The following LARP4B variants were observed in gnomAD, a reference collection of about 807,000 sequenced individuals.
The protein encoded by LARP4B is La ribonucleoprotein 4B, also known as la-related protein 4B.
LARP4B carries 12 observed loss-of-function variants against 89.8 expected under a neutral mutation model. That is an observed-to-expected ratio of 0.13 (90% confidence interval 0.09 to 0.22). The LOEUF is 0.22. Ranked by LOEUF, LARP4B falls within the 10% of genes least tolerant of loss-of-function variation. The pLI is 1.00. For missense variants in LARP4B, 757 were observed against 947.7 expected, an observed-to-expected ratio of 0.80 and a Z score of 2.64; for synonymous variants, 367 against 363.3, an observed-to-expected ratio of 1.01 and a Z score of -0.12.
intron 13 of LARP4B, among the ~76,000 whole-genome samples, chr10:823,551 C>T (rs1018214346): frequency 2.0e-5 from 3 of 151,494 alleles, no homozygotes; most frequent in Admixed American, 6.6e-5. Flanking sequence ...TTGTGACGCT[C>T]GTATGAACAA....
At chr10:950,177 C>T in the LARP4B span, among the ~76,000 whole-genome samples, 1 of 152,140 alleles carries the variant, frequency 6.6e-6, no homozygotes, top group East Asian at 1.9e-4. Context: ...AATATTTTCT[C>T]TCAGTTTGTA....
intron 3 of LARP4B, among the ~76,000 whole-genome samples, chr10:869,806 C>G (rs908075265): frequency 6.6e-6 from 1 of 151,652 alleles, no homozygotes; most frequent in Admixed American, 6.6e-5. Context: ...ATTACTTGAA[C>G]CCGGCAATCA....
At chr10:843,321 A>T (rs1226787727) in intron 6 of LARP4B, among the ~76,000 whole-genome samples, 1 of 152,234 alleles carries the variant, frequency 6.6e-6, no homozygotes, top group Non-Finnish European at 1.5e-5. Flanking sequence ...TTATGAGAAG[A>T]TGGTTATTTT....
At chr10:831,314 A>C (rs1832893817) in intron 8 of LARP4B, among the ~76,000 whole-genome samples, 2 of 151,944 alleles carry the variant, frequency 1.3e-5, no homozygotes, top group South Asian at 4.1e-4. Flanking sequence ...AATTTAAGAA[A>C]AAAAATTTGC....
At chr10:840,977 C>A (rs983532531) in intron 7 of LARP4B, among the ~76,000 whole-genome samples, 1 of 152,082 alleles carries the variant, frequency 6.6e-6, no homozygotes, top group Non-Finnish European at 1.5e-5. Flanking sequence ...TGTGGTAAAA[C>A]CTCGTCTCTA....
chr10:901,860 G>A lies in LARP4B; in HGVS notation c.-39-16100C>T, dbSNP rs74118473. ...TGAGTTTTATTTATAGTTTGAGTTG[G>A]TTCTCCTCCTAAGGAGGACATAATC... On this transcript the variant is annotated intron_variant, in intron 1 of 17. Transcript: ENST00000316157. Among the ~76,000 whole-genome samples the A allele has an allele frequency of 3.1e-3, 469 of 152,192 alleles. 5 individuals are homozygous for A. The highest frequency in any genetic ancestry group is 0.011 in the African/African-American group (456 of 41,522).
At chr10:856,462 A>G (rs917465493) in intron 5 of LARP4B, among the ~76,000 whole-genome samples, 1 of 152,246 alleles carries the variant, frequency 6.6e-6, no homozygotes, top group African/African-American at 2.4e-5. Flanking sequence ...GTAAAGTCAC[A>G]AGGCAAACAA....
rs574432936 is a variant in LARP4B, at chr10:921,987, A to T, written c.-40+9441T>A. Among the ~76,000 whole-genome samples the T allele has an allele frequency of 3.9e-5, 6 of 152,268 alleles. No homozygotes were observed. In the East Asian group the frequency reaches 1.2e-3, roughly 29 times the overall value. On this transcript the variant is annotated intron_variant, in intron 1 of 17. Transcript: ENST00000316157. ...TCAGTTACTCATTTTCACAATGGTCAGTACTCCAAGTCAGCGGTAACCAAT... is the reference window on the plus strand; with the variant it reads ...TCAGTTACTCATTTTCACAATGGTCTGTACTCCAAGTCAGCGGTAACCAAT...
chr10:845,042 A>G lies in LARP4B; in HGVS notation c.444T>C (p.Ser148=), dbSNP rs748530817. ...PENSETGGNE[S]QPDSQEDPRE... ...GGGGGTCTTCCTGGCTGTCTGGTTGAGACTCATTTCCTCCTACATAAAAGT... is the reference window on the plus strand; with the variant it reads ...GGGGGTCTTCCTGGCTGTCTGGTTGGGACTCATTTCCTCCTACATAAAAGT... Residue 148 remains serine (S), a synonymous_variant, in exon 6 of 18, where the codon TCT becomes TCC. Transcript: ENST00000316157. The G allele has an allele frequency of 6.2e-7, 1 of 1,608,136 alleles. No homozygotes were observed. Among genetic ancestry groups the G allele is most frequent in the Non-Finnish European group, 8.5e-7 (1 of 1,178,638 alleles).
At chr10:831,276 CTT>C (rs76857973) in intron 8 of LARP4B, among the ~76,000 whole-genome samples, 269 of 121,882 alleles carry the variant, frequency 2.2e-3, no homozygotes, top group Admixed American at 4.8e-3. Flanking sequence ...AACTGCACAA[CTT>C]TTTTTTTTTT....
At chr10:904,558 C>G (rs1836436649) in intron 1 of LARP4B, among the ~76,000 whole-genome samples, 1 of 149,558 alleles carries the variant, frequency 6.7e-6, no homozygotes, top group Admixed American at 6.7e-5. Context: ...AAGACTGTCT[C>G]AAAATAAAAA....
At chr10:931,192 C>CT (rs1645940184) in intron 1 of LARP4B, among the ~76,000 whole-genome samples, 1 of 148,570 alleles carries the variant, frequency 6.7e-6, no homozygotes, top group African/African-American at 2.5e-5. Flanking sequence ...TCAGCCCCGG[C>CT]TTTTTCCTGG....
At position 812,603 on chromosome 10, in the gene LARP4B, A is replaced by G. The variant is rs1479036665; in HGVS notation, c.*323T>C. 4.9e-6 allele frequency: 1 copy of G among 202,726 alleles called. No homozygotes were observed. Among genetic ancestry groups the G allele is most frequent in the Non-Finnish European group, 9.8e-6 (1 of 102,158 alleles). 12.6% of individuals were successfully genotyped at this position (202,726 alleles called of 1,614,324 possible). ...GAAAAACTCACTATATATAGCTTGC[A>G]TTCAGAGCCACATGGAGGCTTAATA... On this transcript the variant is annotated 3_prime_UTR_variant, in exon 18 of 18. Coordinates refer to ENST00000316157, the MANE Select transcript of LARP4B (RefSeq NM_015155.3).
intron 2 of LARP4B, among the ~76,000 whole-genome samples, chr10:884,783 C>T (rs1835800706): frequency 6.6e-6 from 1 of 152,134 alleles, no homozygotes; most frequent in African/African-American, 2.4e-5. Flanking sequence ...TACTGCTTGA[C>T]ATAAAATGTT....
intron 1 of LARP4B, among the ~76,000 whole-genome samples, chr10:908,918 G>T (rs1466559380): frequency 6.6e-6 from 1 of 152,136 alleles, no homozygotes; most frequent in African/African-American, 2.4e-5. Context: ...TCCTTTGGGG[G>T]ACACCTGAAA....
intron 1 of LARP4B, among the ~76,000 whole-genome samples, chr10:893,995 G>T (rs1488241001): frequency 6.6e-6 from 1 of 152,000 alleles, no homozygotes; most frequent in African/African-American, 2.4e-5. Context: ...AGCTGATCAG[G>T]GCAAGAACCA....
chr10:860,991 C>T (rs1396267523), intron 5 of LARP4B, among the ~76,000 whole-genome samples: 1 of 152,088 alleles, frequency 6.6e-6, no homozygotes, highest in Admixed American at 6.5e-5. Context: ...CCCGTCTCTA[C>T]TAAAAATACA....
chr10:843,520 G>A (rs1342306553), intron 6 of LARP4B, among the ~76,000 whole-genome samples: 1 of 152,090 alleles, frequency 6.6e-6, no homozygotes, highest in Non-Finnish European at 1.5e-5. Context: ...CCAACATGGT[G>A]AAACCCCATC....
chr10:952,019 T>C, the LARP4B span, among the ~76,000 whole-genome samples: 1 of 148,502 alleles, frequency 6.7e-6, no homozygotes, highest in Non-Finnish European at 1.5e-5. Flanking sequence ...CAGCCCAGAA[T>C]CAACTGCATA....
Sources: gnomAD v4.1 joint callset for allele counts (sites outside exome capture counted in the v4.1 genomes callset) on GRCh38, gnomAD v4.1.1 for gene constraint, MANE v1.5 for transcripts, NCBI Gene and HGNC (gene_info 2026-07-23, HGNC 2026-07-21) for gene names.